The following RUNX1T1 variants were observed in gnomAD, a reference collection of about 807,000 sequenced individuals.
RUNX1T1 encodes RUNX1 partner transcriptional co-repressor 1.
A neutral mutation model predicts 62.8 loss-of-function variants in RUNX1T1; 4 were observed. The ratio of observed to expected loss-of-function variants is 0.06; its 90% CI spans 0.03 to 0.15. The LOEUF is 0.15. Among genes scored for constraint, RUNX1T1 ranks in the 10% least tolerant of loss-of-function variants. RUNX1T1 has a pLI of 1.00. For missense variants in RUNX1T1, 508 were observed against 754.3 expected (o/e 0.67, Z 3.82); for synonymous variants, 291 against 286.0 (o/e 1.02, Z -0.18).
At chr8:92,013,697 GA>G (rs1360236835) in intron 3 of RUNX1T1, among the ~76,000 whole-genome samples, 8 of 151,990 alleles carry the variant, frequency 5.3e-5, no homozygotes, top group African/African-American at 1.9e-4. Context: ...AAGTGACTTA[GA>G]ACGCAAAAAA....
exon 3 of RUNX1T1, chr8:92,014,633 A>T: frequency 6.2e-7 from 1 of 1,613,624 alleles, no homozygotes; most frequent in Middle Eastern, 1.7e-4. Flanking sequence ...GTGAAATGTC[A>T]TTGCCAAACT....
At chr8:91,958,738 A>C (rs1437995983), downstream of RUNX1T1, 7 of 181,078 alleles carry the variant, frequency 3.9e-5, no homozygotes, top group African/African-American at 9.4e-5. Context: ...CAAAAAAAAA[A>C]AAAAAAAAAC....
rs140345911 is a variant in RUNX1T1, at chr8:91,965,714, T to C, written c.1458+4944A>G. ...TTTGTCACTTTATTGCAAACCCCTC[T>C]TTCTTTAGCCCCTGGAACCATTCAG... On this transcript the variant is annotated intron_variant, in intron 10 of 10. Coordinates refer to ENST00000396218, the Ensembl canonical transcript of RUNX1T1. Among the ~76,000 whole-genome samples the C allele has an allele frequency of 7.4e-3, 1,128 of 152,182 alleles. 12 individuals are homozygous for C. The highest frequency in any genetic ancestry group is 0.048 in the Middle Eastern group (14 of 292).
chr8:92,030,659 C>T (rs1826050963), intron 1 of RUNX1T1, among the ~76,000 whole-genome samples: 1 of 152,202 alleles, frequency 6.6e-6, no homozygotes, highest in Admixed American at 6.5e-5. Flanking sequence ...TTGTGGTTAA[C>T]CCAAAACATA....
intron 1 of RUNX1T1, among the ~76,000 whole-genome samples, chr8:92,055,206 T>C (rs1405562576): frequency 1.4e-4 from 22 of 152,072 alleles, no homozygotes; most frequent in Admixed American, 1.4e-3. Context: ...CACAATGACA[T>C]GGTACCAAAT....
chr8:92,005,471 C>T (rs372563819), intron 4 of RUNX1T1, 174 bp from the exon 6 acceptor site: 78 of 577,534 alleles, frequency 1.4e-4, no homozygotes, highest in East Asian at 1.0e-3. Flanking sequence ...CTACCATGTG[C>T]GCAGATTGCC....
exon 5 of RUNX1T1, chr8:92,005,180 G>A: frequency 6.2e-7 from 1 of 1,614,054 alleles, no homozygotes; most frequent in Non-Finnish European, 8.5e-7. Context: ...GAGTCAACAG[G>A]TGAGGTGGTG....
chr8:92,048,978 C>A (rs1829830458), intron 1 of RUNX1T1, among the ~76,000 whole-genome samples: 1 of 152,230 alleles, frequency 6.6e-6, no homozygotes, highest in Non-Finnish European at 1.5e-5. Context: ...TCACATGCGA[C>A]TCTGTATCAT....
At chr8:92,029,202 T>C (rs556178021) in intron 1 of RUNX1T1, among the ~76,000 whole-genome samples, 4 of 152,332 alleles carry the variant, frequency 2.6e-5, no homozygotes, top group African/African-American at 2.4e-5. Context: ...GGAAAAAAAG[T>C]ACTGTTAGTT....
chr8:92,102,899 G>A, upstream of RUNX1T1: 3 of 1,517,704 alleles, frequency 2.0e-6, no homozygotes, highest in Non-Finnish European at 2.6e-6. The surrounding 1 kb of genome is among the most constrained non-coding windows in gnomAD (Gnocchi z 4.5). Flanking sequence ...CACAGGCTCC[G>A]AGCTGCAAAT....
At chr8:92,048,975 C>T (rs1243359142) in intron 1 of RUNX1T1, among the ~76,000 whole-genome samples, 25 of 152,158 alleles carry the variant, frequency 1.6e-4, no homozygotes, top group African/African-American at 2.4e-5. Flanking sequence ...ACGTCACATG[C>T]GACTCTGTAT....
intron 1 of RUNX1T1, among the ~76,000 whole-genome samples, chr8:92,087,284 T>G (rs1836274860): frequency 6.6e-6 from 1 of 152,064 alleles, no homozygotes; most frequent in Non-Finnish European, 1.5e-5. Flanking sequence ...ATTCAAGACA[T>G]TTATGATCTT....
At chr8:92,095,066 A>G (rs1232401752) in intron 1 of RUNX1T1, 1 of 1,535,488 alleles carries the variant, frequency 6.5e-7, no homozygotes, top group African/African-American at 1.4e-5. Context: ...GTGATGGGAG[A>G]TAGCGTCAAG....
chr8:92,094,593 G>A (rs1384978775), intron 1 of RUNX1T1, among the ~76,000 whole-genome samples: 1 of 151,990 alleles, frequency 6.6e-6, no homozygotes, highest in African/African-American at 2.4e-5. Flanking sequence ...AGTACCGTCA[G>A]CATCAATTTA....
At chr8:91,973,238 T>G (rs1419675993) in intron 9 of RUNX1T1, among the ~76,000 whole-genome samples, 2 of 151,680 alleles carry the variant, frequency 1.3e-5, no homozygotes, top group East Asian at 3.9e-4. Flanking sequence ...TCTCAAATGA[T>G]TAGAAATATA....
At chr8:92,008,009 A>G (rs1821140259) in intron 4 of RUNX1T1, among the ~76,000 whole-genome samples, 1 of 151,314 alleles carries the variant, frequency 6.6e-6, no homozygotes, top group Non-Finnish European at 1.5e-5. Context: ...AAAGAAAAGG[A>G]CACAATAAAA....
chr8:92,102,994 GGCCACTCGCCCACGCGCGCTC>G (rs1025087962), upstream of RUNX1T1: 973 of 1,205,120 alleles, frequency 8.1e-4, 1 homozygote, highest in Non-Finnish European at 1.0e-3. This position sits in a 1 kb window ranked among gnomAD's most constrained non-coding sequence, Gnocchi z 4.5. Context: ...GAGTGTCCGC[GGCCACTCGCCCACGCGCGCTC>G]GCCACGAGAC....
chr8:92,086,855 G>C (rs141589028), intron 1 of RUNX1T1, among the ~76,000 whole-genome samples: 313 of 152,132 alleles, frequency 2.1e-3, no homozygotes, highest in Middle Eastern at 6.8e-3. Context: ...CAAACCCAAC[G>C]CTGGTCATCC....
intron 1 of RUNX1T1, among the ~76,000 whole-genome samples, chr8:92,018,118 T>G (rs1823371934): frequency 6.6e-6 from 1 of 152,022 alleles, no homozygotes; most frequent in Non-Finnish European, 1.5e-5. Flanking sequence ...TTTTCATGAG[T>G]ATGTGGCAGA....
Sources: allele counts gnomAD v4.1 joint callset (sites outside exome capture counted in the v4.1 genomes callset), GRCh38; gene constraint gnomAD v4.1.1; non-coding constraint Gnocchi (gnomAD v3.1); transcripts MANE v1.5; gene names NCBI Gene and HGNC (gene_info 2026-07-23, HGNC 2026-07-21).